The following ZNF469 variants were observed in gnomAD, a reference collection of about 807,000 sequenced individuals.
ZNF469 encodes zinc finger protein 469.
A neutral mutation model predicts 1.0 loss-of-function variants in ZNF469; 1 was observed. The ratio of observed to expected loss-of-function variants is 1.00; its 90% CI spans 0.35 to 4.73. The LOEUF is 4.73. Among genes scored for constraint, ZNF469 ranks in the 30% most tolerant of loss-of-function variants. The pLI, the probability that ZNF469 is intolerant of heterozygous loss-of-function variation, is 0.16. For missense variants in ZNF469, 6,100 were observed against 5,356.3 expected (o/e 1.14, Z -4.33); for synonymous variants, 2,703 against 2,363.4 (o/e 1.14, Z -4.17).
chr16:88,381,867 G>A (rs992628939), upstream of ZNF469, among the ~76,000 whole-genome samples: 2 of 152,250 alleles, frequency 1.3e-5, no homozygotes, highest in Non-Finnish European at 2.9e-5. Flanking sequence ...ACCAGATTGG[G>A]GGAGGGGCAG....
At position 88,438,490 on chromosome 16, in the gene ZNF469, G is replaced by T. The variant is rs1305871830; in HGVS notation, c.11020G>T (p.Ala3674Ser). 2 of 1,550,142 alleles carry T rather than the reference G, an allele frequency of 1.3e-6. No homozygotes were observed. The highest frequency in any genetic ancestry group is 2.0e-5 in the Admixed American group (1 of 51,010). The part of the protein sequence containing the change: ...AFHKGSATKP[A>S]GCQSSSKDRS... The stretch of plus-strand genomic sequence containing the variant: ...CCACAAGGGCAGCGCCACCAAGCCT[G>T]CGGGCTGCCAGAGCTCATCAAAGGA... The change falls in exon 3 of 3, where the codon GCG (alanine) becomes TCG (serine). Residue 3674 changes from alanine (A) to serine (S), a missense_variant. By Grantham distance (99) the Ala-to-Ser change is moderately conservative. Coordinates refer to ENST00000565624, the MANE Select transcript of ZNF469 (RefSeq NM_001367624.2).
the ZNF469 span, among the ~76,000 whole-genome samples, chr16:88,180,053 TACTC>T: frequency 1.3e-5 from 2 of 152,196 alleles, no homozygotes; most frequent in East Asian, 1.9e-4. Flanking sequence ...TAATAAAAAA[TACTC>T]AGCAGCTCTG....
chr16:88,287,945 A>G, the ZNF469 span, among the ~76,000 whole-genome samples: 7 of 151,866 alleles, frequency 4.6e-5, no homozygotes, highest in Non-Finnish European at 8.8e-5. Flanking sequence ...GTTGGTTGTG[A>G]TTGGCTGGTT....
chr16:88,282,130 A>C, the ZNF469 span, among the ~76,000 whole-genome samples: 1 of 152,196 alleles, frequency 6.6e-6, no homozygotes, highest in Non-Finnish European at 1.5e-5. Context: ...TGTAATCTCG[A>C]CATTCCAGCA....
chr16:88,436,634 T>A lies in ZNF469; in HGVS notation c.9164T>A (p.Met3055Lys). The A allele has an allele frequency of 6.4e-7, 1 of 1,550,402 alleles. No individual in the cohort carries two copies. The highest frequency in any genetic ancestry group is 8.7e-7 in the Non-Finnish European group (1 of 1,146,968). ...DFEVLSTKFE[M>K]QDLCFLGPFE... ...GAGGTGCTCAGCACCAAGTTTGAGA[T>A]GCAAGACCTGTGCTTTCTGGGACCC... Residue 3055 changes from methionine (M) to lysine (K), a missense_variant, in exon 3 of 3, where the codon ATG (methionine) becomes AAG (lysine). By Grantham distance (95) the Met-to-Lys change is moderately conservative. Transcript: ENST00000565624.
At chr16:88,152,673 G>C in the ZNF469 span, among the ~76,000 whole-genome samples, 25,188 of 151,610 alleles carry the variant, frequency 0.17, 2,710 homozygotes, top group East Asian at 0.52. The surrounding 1 kb of genome is among the most constrained non-coding windows in gnomAD (Gnocchi z 4.2). Context: ...CCTCTGGATG[G>C]ATTTTTTTTT....
the ZNF469 span, among the ~76,000 whole-genome samples, chr16:88,351,508 A>G: frequency 1.3e-5 from 2 of 152,074 alleles, no homozygotes; most frequent in Admixed American, 1.3e-4. Flanking sequence ...CAGGTCCCAG[A>G]AAGGCCCTGA....
At chr16:88,375,698 G>T in the ZNF469 span, among the ~76,000 whole-genome samples, 15 of 152,368 alleles carry the variant, frequency 9.8e-5, no homozygotes, top group African/African-American at 3.6e-4. Flanking sequence ...GGCATGAGGC[G>T]CACTGTCCTC....
the ZNF469 span, among the ~76,000 whole-genome samples, chr16:88,267,216 C>T: frequency 5.9e-3 from 901 of 152,342 alleles, 6 homozygotes; most frequent in African/African-American, 0.021. Flanking sequence ...TTATACCTTG[C>T]TGCCGAGGGC....
chr16:88,319,570 GC>G, the ZNF469 span, among the ~76,000 whole-genome samples: 1 of 152,176 alleles, frequency 6.6e-6, no homozygotes, highest in Non-Finnish European at 1.5e-5. Context: ...AAGCAGCGGG[GC>G]CACTCCCCAG....
In ZNF469 at chr16:88,428,107, A is replaced by C. The variant is rs2142297770; in HGVS notation, c.637A>C (p.Ser213Arg). ...PRPPAPGPPQ[S>R]RGTSPLQPGS... ...GCCCCCAGCCCCGGGGCCCCCCCAG[A>C]GCAGGGGCACCAGCCCCCTCCAGCC... Residue 213 changes from serine (S) to arginine (R), a missense_variant, in exon 3 of 3, where the codon AGC becomes CGC. Physicochemically the swap from Ser to Arg is moderately radical, Grantham distance 110. Coordinates refer to ENST00000565624, the MANE Select transcript of ZNF469 (RefSeq NM_001367624.2). 6.5e-7 allele frequency: 1 copy of C among 1,549,386 alleles called. No homozygotes were observed. Among genetic ancestry groups the C allele is most frequent in the Non-Finnish European group, 8.7e-7 (1 of 1,146,438 alleles).
At chr16:88,265,522 G>A in the ZNF469 span, among the ~76,000 whole-genome samples, 6 of 152,228 alleles carry the variant, frequency 3.9e-5, no homozygotes, top group South Asian at 2.1e-4. Context: ...GAGGGGGCAC[G>A]GCAGTATCCG....
the ZNF469 span, among the ~76,000 whole-genome samples, chr16:88,163,707 G>T: frequency 0.82 from 122,837 of 150,216 alleles, 50,703 homozygotes; most frequent in African/African-American, 0.86. Flanking sequence ...TATGATGGAT[G>T]GGTGAGTGAA....
At chr16:88,365,361 A>T in the ZNF469 span, among the ~76,000 whole-genome samples, 1 of 152,212 alleles carries the variant, frequency 6.6e-6, no homozygotes. Flanking sequence ...AGCCCATCCA[A>T]TCAGAGCTCT....
the ZNF469 span, among the ~76,000 whole-genome samples, chr16:88,297,018 C>T: frequency 6.6e-6 from 1 of 152,242 alleles, no homozygotes; most frequent in African/African-American, 2.4e-5. Flanking sequence ...TCAGTGGGTC[C>T]TCGTCTCCCA....
the ZNF469 span, among the ~76,000 whole-genome samples, chr16:88,261,317 G>T: frequency 1.4e-4 from 21 of 152,212 alleles, no homozygotes; most frequent in African/African-American, 5.1e-4. The surrounding 1 kb of genome is among the most constrained non-coding windows in gnomAD (Gnocchi z 6.0). Context: ...GGCACCACCT[G>T]CCCCTCCCTG....
chr16:88,384,479 G>C (rs1339272384), intron 1 of ZNF469, among the ~76,000 whole-genome samples: 1 of 152,252 alleles, frequency 6.6e-6, no homozygotes, highest in African/African-American at 2.4e-5. Context: ...CGGAGCTGCA[G>C]TTTTAGGAAG....
Position 88,431,429 on chromosome 16 carries a change from C to G in ZNF469, c.3959C>G (p.Pro1320Arg). The G allele has an allele frequency of 6.5e-7, 1 of 1,550,382 alleles. No homozygotes were observed. Among genetic ancestry groups the G allele is most frequent in the Non-Finnish European group, 8.7e-7 (1 of 1,146,996 alleles). ...APVSHNSKDP[P>R]ARQPGEFLAP... ...GTCTCCCACAACAGCAAGGACCCCC[C>G]TGCCCGCCAGCCTGGAGAATTTCTG... Residue 1320 changes from proline (P) to arginine (R), a missense_variant, in exon 3 of 3, where the codon CCT (proline) becomes CGT (arginine). Physicochemically the swap from Pro to Arg is moderately radical, Grantham distance 103. Transcript: ENST00000565624.
chr16:88,238,667 G>T, the ZNF469 span, among the ~76,000 whole-genome samples: 1 of 152,186 alleles, frequency 6.6e-6, no homozygotes, highest in East Asian at 1.9e-4. Context: ...GGACCAGAAG[G>T]CAGTGAAGTT....
Sources: allele counts gnomAD v4.1 joint callset (sites outside exome capture counted in the v4.1 genomes callset), GRCh38; gene constraint gnomAD v4.1.1; non-coding constraint Gnocchi (gnomAD v3.1); transcripts MANE v1.5; gene names NCBI Gene and HGNC (gene_info 2026-07-23, HGNC 2026-07-21).